The following NCOA3 variants were observed in gnomAD, a reference collection of about 807,000 sequenced individuals.
NCOA3 encodes nuclear receptor coactivator 3, also known as CBP-interacting protein.
In NCOA3, 51 loss-of-function variants were observed where a neutral mutation model predicts 158.8. That is an observed-to-expected ratio of 0.32 (90% CI 0.26 to 0.41). NCOA3 has a LOEUF of 0.41. Among genes scored for constraint, NCOA3 ranks in the 10% least tolerant of loss-of-function variants. NCOA3 has a pLI of 1.00. For missense variants in NCOA3, 1,510 were observed against 1,746.6 expected (o/e 0.86, Z 2.41); for synonymous variants, 537 against 592.4 (o/e 0.91, Z 1.36).
intron 1 of NCOA3, among the ~76,000 whole-genome samples, chr20:47,522,173 G>C (rs560349298): frequency 2.1e-5 from 3 of 145,440 alleles, no homozygotes; most frequent in Non-Finnish European, 4.5e-5. Context: ...AGCGATCTCG[G>C]TTCACTGCAA....
At chr20:47,527,610 A>T (rs1009138683) in intron 1 of NCOA3, among the ~76,000 whole-genome samples, 17 of 152,210 alleles carry the variant, frequency 1.1e-4, no homozygotes, top group African/African-American at 3.4e-4. Flanking sequence ...CGTGGGCAGA[A>T]GGTTTCATTT....
intron 1 of NCOA3, among the ~76,000 whole-genome samples, chr20:47,563,181 C>T (rs530123951): frequency 6.6e-6 from 1 of 152,292 alleles, no homozygotes; most frequent in East Asian, 1.9e-4. Flanking sequence ...CCTAATCTAT[C>T]CTTTTTATAT....
At position 47,509,911 on chromosome 20, in the gene NCOA3, C is replaced by T. The variant is rs886580026; in HGVS notation, c.-99+7892C>T. ...GTGTTTTATGACAATGTGTTAATCT[C>T]AATTGAGGTAGTTGTCTTCACCGCA... On this transcript the variant is annotated intron_variant, in intron 1 of 22. Coordinates refer to ENST00000371998, the MANE Select transcript of NCOA3 (RefSeq NM_181659.3). Among the ~76,000 whole-genome samples the T allele has an allele frequency of 7.2e-5, 11 of 152,248 alleles. No individual in the cohort carries two copies. The East Asian group carries it at 2.1e-3, about 29-fold the overall frequency.
At chr20:47,647,905 G>GTT (rs773435247) in intron 18 of NCOA3, among the ~76,000 whole-genome samples, 1 of 123,284 alleles carries the variant, frequency 8.1e-6, no homozygotes. Flanking sequence ...TTGTTTGTTT[G>GTT]TTTGTTTTGT....
At chr20:47,649,656 T>C (rs541707195) in intron 19 of NCOA3, among the ~76,000 whole-genome samples, 23 of 152,258 alleles carry the variant, frequency 1.5e-4, no homozygotes, top group Non-Finnish European at 2.9e-4. Context: ...ACAGCAATCC[T>C]CTATTGTGAT....
chr20:47,526,197 T>C (rs1417249129), intron 1 of NCOA3, among the ~76,000 whole-genome samples: 1 of 144,080 alleles, frequency 6.9e-6, no homozygotes, highest in Non-Finnish European at 1.5e-5. Flanking sequence ...ACTTCCCAGA[T>C]GTGATGGCGG....
chr20:47,648,071 G>A (rs2086721275), intron 18 of NCOA3, among the ~76,000 whole-genome samples: 1 of 151,708 alleles, frequency 6.6e-6, no homozygotes, highest in Non-Finnish European at 1.5e-5. Context: ...AGCCCGGCTA[G>A]TTTTTGTATT....
intron 1 of NCOA3, among the ~76,000 whole-genome samples, chr20:47,542,412 C>CCT (rs377375629): frequency 5.9e-5 from 9 of 151,746 alleles, no homozygotes; most frequent in Non-Finnish European, 1.0e-4. Context: ...TGTCCTCTGT[C>CCT]CTCTCTCTCT....
At chr20:47,533,695 G>T (rs958880000) in intron 1 of NCOA3, among the ~76,000 whole-genome samples, 1 of 152,126 alleles carries the variant, frequency 6.6e-6, no homozygotes, top group Non-Finnish European at 1.5e-5. Context: ...TTGAGAGGTC[G>T]AGGAGGGTGG....
intron 1 of NCOA3, among the ~76,000 whole-genome samples, chr20:47,570,937 T>TAC (rs201885909): frequency 0.31 from 34,652 of 110,916 alleles, 5,403 homozygotes; most frequent in East Asian, 0.54. Context: ...CAGTAATATA[T>TAC]ATACACACAC....
At chr20:47,504,654 A>G (rs1326902927) in intron 1 of NCOA3, among the ~76,000 whole-genome samples, 1 of 151,928 alleles carries the variant, frequency 6.6e-6, no homozygotes, top group African/African-American at 2.4e-5. Context: ...AATACAAAAA[A>G]TTAGCCGGGC....
At chr20:47,600,436 A>G (rs2085841301) in intron 2 of NCOA3, among the ~76,000 whole-genome samples, 1 of 151,930 alleles carries the variant, frequency 6.6e-6, no homozygotes. Context: ...TCGGCCTCCC[A>G]AAGTGGTGGG....
At chr20:47,558,591 A>G (rs1393220721) in intron 1 of NCOA3, among the ~76,000 whole-genome samples, 1 of 152,118 alleles carries the variant, frequency 6.6e-6, no homozygotes, top group Non-Finnish European at 1.5e-5. Context: ...TCAGTAAAAG[A>G]AGTCACAAGC....
chr20:47,601,856 G>A (rs926336824), intron 2 of NCOA3, among the ~76,000 whole-genome samples: 15 of 152,188 alleles, frequency 9.9e-5, no homozygotes, highest in Admixed American at 2.6e-4. Flanking sequence ...AAAATAGTAT[G>A]TATTGGACAT....
intron 2 of NCOA3, among the ~76,000 whole-genome samples, chr20:47,604,634 T>G (rs1236552194): frequency 6.6e-6 from 1 of 152,192 alleles, no homozygotes; most frequent in African/African-American, 2.4e-5. Flanking sequence ...GATGGGAGCT[T>G]GCTATGTTGC....
chr20:47,636,724 G>C lies in NCOA3; in HGVS notation c.2338G>C (p.Glu780Gln), dbSNP rs2086522623. The C allele has an allele frequency of 1.2e-6, 2 of 1,613,124 alleles. No individual in the cohort carries two copies. The highest frequency in any genetic ancestry group is 2.7e-5 in the African/African-American group (2 of 74,874). Residue 780 changes from glutamate (E) to glutamine (Q), a missense_variant, in exon 12 of 23, where the codon GAG (glutamate) becomes CAG (glutamine). Transcript: ENST00000371998. ...TSSTIPSSSQ[E>Q]KDPKIKTETS... ...CTCCACCATTCCTAGCTCAAGTCAA[G>C]AGAAAGACCCTAAAATTAAGACAGA...
At chr20:47,537,826 C>A (rs985462804) in intron 1 of NCOA3, among the ~76,000 whole-genome samples, 1 of 152,080 alleles carries the variant, frequency 6.6e-6, no homozygotes, top group African/African-American at 2.4e-5. Context: ...TTGTGATCTG[C>A]CCGCCTCGGC....
Position 47,501,896 on chromosome 20 carries a change from T to C in NCOA3, c.-222T>C, listed in dbSNP as rs2083937350. ...CCCGTGCGGCGACTTTAGCTGCTGC[T>C]GTCTCAGCCGCTCCACAGCGACGGC... is the stretch of plus-strand genomic sequence containing the variant. On this transcript the variant is annotated 5_prime_UTR_variant, in exon 1 of 23. Coordinates refer to ENST00000371998, the MANE Select transcript of NCOA3 (RefSeq NM_181659.3). 5 of 399,244 alleles carry C rather than the reference T, an allele frequency of 1.3e-5. No homozygotes were observed. The South Asian group carries it at 5.1e-4, about 41-fold the overall frequency. 24.7% of individuals were successfully genotyped at this position (399,244 alleles called of 1,614,324 possible).
Position 47,649,092 on chromosome 20 carries a change from C to A in NCOA3, c.3634C>A (p.Pro1212Thr). The A allele has an allele frequency of 6.2e-7, 1 of 1,612,984 alleles. No individual in the cohort carries two copies. Among genetic ancestry groups the A allele is most frequent in the Non-Finnish European group, 8.5e-7 (1 of 1,179,244 alleles). The change falls in exon 19 of 23, where the codon CCC (proline) becomes ACC (threonine). Residue 1212 changes from proline to threonine, a missense_variant. Physicochemically the swap from Pro to Thr is conservative, Grantham distance 38. This residue lies in a region of NCOA3 where 1,017 missense variants were observed against 1,098.3 expected (regional missense o/e 0.93). Coordinates refer to ENST00000371998, the MANE Select transcript of NCOA3 (RefSeq NM_181659.3). ...GAAVMRPMMQ[P>T]QVSSQQGFLN... ...TGCGGTGATGAGGCCTATGATGCAGCCCCAGGTGAGCTCCCAGGTGAGGAT... is the reference window on the plus strand; with the variant it reads ...TGCGGTGATGAGGCCTATGATGCAGACCCAGGTGAGCTCCCAGGTGAGGAT...
Sources: gnomAD v4.1 joint callset for allele counts (sites outside exome capture counted in the v4.1 genomes callset) on GRCh38, gnomAD v4.1.1 for gene constraint, gnomAD v4.1.1 regional missense constraint, MANE v1.5 for transcripts, NCBI Gene and HGNC (gene_info 2026-07-23, HGNC 2026-07-21) for gene names.